The following CCSER1 variants were observed in gnomAD, a reference collection of about 807,000 sequenced individuals.
CCSER1 encodes the protein serine-rich coiled-coil domain-containing protein 1.
CCSER1 carries 41 observed loss-of-function variants against 82.0 expected under a neutral mutation model. The ratio of observed to expected loss-of-function variants is 0.50; its 90% CI spans 0.39 to 0.65. The LOEUF (loss-of-function observed/expected upper bound fraction) is 0.65, where lower values mean the gene tolerates loss of function less well. Ranked by LOEUF, CCSER1 falls within the 30% of genes least tolerant of loss-of-function variation. The pLI is 0.00. For synonymous variants in CCSER1, 414 were observed against 383.9 expected (o/e 1.08, Z -0.92); for missense variants, 1,119 against 1,064.2 (o/e 1.05, Z -0.72).
chr4:91,229,807 G>C (rs1406943156), intron 10 of CCSER1, among the ~76,000 whole-genome samples: 1 of 152,084 alleles, frequency 6.6e-6, no homozygotes, highest in Non-Finnish European at 1.5e-5. Flanking sequence ...ACACAGGCAG[G>C]GGAACATCAC....
chr4:90,439,063 G>A (rs1759476844), intron 4 of CCSER1, among the ~76,000 whole-genome samples: 1 of 152,110 alleles, frequency 6.6e-6, no homozygotes, highest in Non-Finnish European at 1.5e-5. Flanking sequence ...GGAGGCTGAG[G>A]CAGGTAGATC....
At chr4:90,903,517 C>T (rs1724980362) in intron 8 of CCSER1, among the ~76,000 whole-genome samples, 1 of 152,120 alleles carries the variant, frequency 6.6e-6, no homozygotes, top group Non-Finnish European at 1.5e-5. Context: ...ACTTCTCAGA[C>T]CACAGTGCAA....
chr4:90,394,121 T>C lies in CCSER1; in HGVS notation c.1510-5915T>C, dbSNP rs553401037. On this transcript the variant is annotated intron_variant, in intron 3 of 10. Transcript: ENST00000509176. ...CTTTTTTTTTTTTTTTTCAATTCTG[T>C]AGCTTCAGAAATTCATTATTTCTGC... is the stretch of plus-strand genomic sequence containing the variant. 2.0e-3 allele frequency among the ~76,000 whole-genome samples: 302 copies of C among 151,296 alleles called. 1 individual carries two copies. Among genetic ancestry groups the C allele is most frequent in the African/African-American group, 7.0e-3 (288 of 41,198 alleles).
At chr4:91,186,992 T>A (rs529157245) in intron 10 of CCSER1, among the ~76,000 whole-genome samples, 137 of 152,336 alleles carry the variant, frequency 9.0e-4, no homozygotes, top group Non-Finnish European at 1.5e-3. Flanking sequence ...TTGGAGCTAG[T>A]TTATGGCCAG....
chr4:91,173,593 CAAAAAAAA>C (rs55747744), intron 10 of CCSER1, among the ~76,000 whole-genome samples: 68,885 of 104,290 alleles, frequency 0.66, 20,922 homozygotes, highest in Middle Eastern at 0.73. Context: ...GACTCCGTCT[CAAAAAAAA>C]AAAAAAAAAA....
At chr4:90,128,236 G>T (rs761595256) in intron 1 of CCSER1, among the ~76,000 whole-genome samples, 11 of 152,082 alleles carry the variant, frequency 7.2e-5, no homozygotes, top group Non-Finnish European at 1.5e-4. Flanking sequence ...CGACCGGTCA[G>T]CGCTGGCGCC....
At chr4:91,058,156 T>A (rs1421762285) in intron 9 of CCSER1, among the ~76,000 whole-genome samples, 1 of 152,074 alleles carries the variant, frequency 6.6e-6, no homozygotes, top group Non-Finnish European at 1.5e-5. Flanking sequence ...CCTGATCCTC[T>A]CCCTTCTCCC....
intron 1 of CCSER1, among the ~76,000 whole-genome samples, chr4:90,157,582 C>T (rs1437124025): frequency 1.3e-5 from 2 of 152,104 alleles, no homozygotes; most frequent in East Asian, 3.9e-4. Flanking sequence ...TCTTTTTATT[C>T]TTTTTTCTCT....
intron 8 of CCSER1, among the ~76,000 whole-genome samples, chr4:90,832,447 A>G (rs979844026): frequency 3.9e-5 from 6 of 152,156 alleles, no homozygotes; most frequent in Admixed American, 1.3e-4. Context: ...TTAAAAAACT[A>G]AAGAACTTAA....
chr4:90,659,506 C>T (rs7658391), intron 6 of CCSER1, among the ~76,000 whole-genome samples: 77,237 of 151,138 alleles, frequency 0.51, 19,882 homozygotes, highest in Middle Eastern at 0.66. Flanking sequence ...TCATGATCAT[C>T]ATTACAACCA....
chr4:91,310,735 A>G (rs1451984964), intron 10 of CCSER1, among the ~76,000 whole-genome samples: 9 of 151,960 alleles, frequency 5.9e-5, no homozygotes. Flanking sequence ...AGGTAATAGT[A>G]TTGCCTTGAA....
chr4:91,471,938 C>G (rs1478056618), intron 10 of CCSER1, among the ~76,000 whole-genome samples: 1 of 139,204 alleles, frequency 7.2e-6, no homozygotes, highest in Admixed American at 7.9e-5. Flanking sequence ...CCACTGCACT[C>G]CAGTCTGGGC....
At chr4:90,181,414 C>T (rs1288851865) in intron 1 of CCSER1, among the ~76,000 whole-genome samples, 3 of 152,018 alleles carry the variant, frequency 2.0e-5, no homozygotes, top group Non-Finnish European at 4.4e-5. Flanking sequence ...ACTTGACATG[C>T]GAATGGAAGT....
chr4:91,086,797 T>C (rs1400948713), intron 10 of CCSER1, among the ~76,000 whole-genome samples: 1 of 152,120 alleles, frequency 6.6e-6, no homozygotes, highest in Non-Finnish European at 1.5e-5. Flanking sequence ...CTTTATGTTT[T>C]AATTCCAGTT....
rs200310687 is a variant in CCSER1, at chr4:90,888,992, CAT to C, written c.2095-34376_2095-34375del. ...TGCATTTAGTGTCACATAGCAATGT[CAT>C]AGTTTGTCAGATAGTCCAATTTTAC... On this transcript the variant is annotated intron_variant, in intron 8 of 10. Transcript: ENST00000509176. 9.5e-3 allele frequency among the ~76,000 whole-genome samples: 1,441 copies of C among 152,168 alleles called. 20 individuals are homozygous for C. Among genetic ancestry groups the C allele is most frequent in the African/African-American group, 0.033 (1,375 of 41,532 alleles).
intron 6 of CCSER1, among the ~76,000 whole-genome samples, chr4:90,682,670 A>C (rs1450527585): frequency 6.6e-6 from 1 of 152,088 alleles, no homozygotes. Context: ...GTGCCTTGAC[A>C]GAAAAAAGAA....
intron 5 of CCSER1, among the ~76,000 whole-genome samples, chr4:90,475,770 G>A (rs1386731713): frequency 1.3e-5 from 2 of 152,160 alleles, no homozygotes; most frequent in Non-Finnish European, 2.9e-5. Context: ...CCCATGACTA[G>A]GGAACTACAG....
At chr4:90,581,057 C>A (rs1453677107) in intron 5 of CCSER1, among the ~76,000 whole-genome samples, 3 of 151,896 alleles carry the variant, frequency 2.0e-5, no homozygotes, top group Non-Finnish European at 4.4e-5. Flanking sequence ...ATTTCTAATG[C>A]AATAAATTGA....
chr4:90,623,450 A>C (rs1278494624), intron 5 of CCSER1, among the ~76,000 whole-genome samples: 1 of 152,204 alleles, frequency 6.6e-6, no homozygotes, highest in Non-Finnish European at 1.5e-5. Context: ...TGGAACTCAA[A>C]GAGCAAAGAG....
Sources: allele counts gnomAD v4.1 joint callset (sites outside exome capture counted in the v4.1 genomes callset), GRCh38; gene constraint gnomAD v4.1.1; transcripts MANE v1.5; gene names NCBI Gene and HGNC (gene_info 2026-07-23, HGNC 2026-07-21).